BBOX1: variants seen among roughly 807,000 people sequenced by gnomAD.
BBOX1 encodes gamma-butyrobetaine dioxygenase.
A neutral mutation model predicts 41.6 loss-of-function variants in BBOX1; 35 were observed. That is an observed-to-expected ratio of 0.84 (90% CI 0.64 to 1.11). The LOEUF (loss-of-function observed/expected upper bound fraction) is 1.11, where lower values mean the gene tolerates loss of function less well. Among genes scored for constraint, BBOX1 ranks in the 50% most tolerant of loss-of-function variants. The pLI is 0.00. For synonymous variants in BBOX1, 163 were observed against 154.7 expected (o/e 1.05, Z -0.40); for missense variants, 458 against 460.6 (o/e 0.99, Z 0.05).
At chr11:27,092,282 C>G (rs1858273767) in intron 4 of BBOX1, among the ~76,000 whole-genome samples, 1 of 151,932 alleles carries the variant, frequency 6.6e-6, no homozygotes, top group Non-Finnish European at 1.5e-5. Flanking sequence ...AGTTCTCATT[C>G]TGTCACTTTT....
chr11:27,060,663 C>G (rs140484744), intron 4 of BBOX1, among the ~76,000 whole-genome samples: 197 of 152,296 alleles, frequency 1.3e-3, no homozygotes, highest in African/African-American at 4.5e-3. Flanking sequence ...TGTTACTAAT[C>G]AACTTGAACC....
At chr11:27,102,586 T>C (rs1305667397) in intron 5 of BBOX1, among the ~76,000 whole-genome samples, 1 of 152,020 alleles carries the variant, frequency 6.6e-6, no homozygotes, top group Admixed American at 6.5e-5. Flanking sequence ...GCAGTTTGAT[T>C]CTTCTACTTT....
At chr11:27,079,014 C>T (rs184733125) in intron 4 of BBOX1, among the ~76,000 whole-genome samples, 20 of 152,124 alleles carry the variant, frequency 1.3e-4, no homozygotes, top group Non-Finnish European at 2.1e-4. Context: ...CTAGTTAAAG[C>T]GCCATAAACA....
At chr11:27,105,276 C>T (rs111537525) in intron 5 of BBOX1, among the ~76,000 whole-genome samples, 5,135 of 152,030 alleles carry the variant, frequency 0.034, 131 homozygotes, top group South Asian at 0.11. Context: ...TGGCTTCAGA[C>T]GATCAAACTT....
At chr11:27,083,926 A>T (rs1279152427) in intron 4 of BBOX1, among the ~76,000 whole-genome samples, 10 of 152,120 alleles carry the variant, frequency 6.6e-5, no homozygotes, top group African/African-American at 1.9e-4. Flanking sequence ...TAGCAGTTGC[A>T]GGAGATTTCC....
intron 2 of BBOX1, among the ~76,000 whole-genome samples, chr11:27,046,861 T>A (rs1460842184): frequency 1.3e-5 from 2 of 152,030 alleles, no homozygotes; most frequent in African/African-American, 2.4e-5. Context: ...CAAATCATGT[T>A]AACATACAAG....
At chr11:27,053,058 A>G (rs1234269290) in intron 2 of BBOX1, among the ~76,000 whole-genome samples, 1 of 152,208 alleles carries the variant, frequency 6.6e-6, no homozygotes, top group East Asian at 1.9e-4. Context: ...TTCCTAGTCA[A>G]AAAATGTTGT....
At chr11:27,050,474 A>T (rs2133950998) in intron 2 of BBOX1, among the ~76,000 whole-genome samples, 1 of 152,252 alleles carries the variant, frequency 6.6e-6, no homozygotes, top group African/African-American at 2.4e-5. Flanking sequence ...AATCATTCAA[A>T]TCCAAGAACA....
intron 4 of BBOX1, among the ~76,000 whole-genome samples, chr11:27,070,856 A>T (rs1590184128): frequency 6.6e-6 from 1 of 151,760 alleles, no homozygotes; most frequent in South Asian, 2.1e-4. Context: ...TCATTGTATT[A>T]CTGTTTTATA....
intron 7 of BBOX1, among the ~76,000 whole-genome samples, chr11:27,120,866 C>A (rs1220154815): frequency 1.3e-5 from 2 of 152,006 alleles, no homozygotes; most frequent in Non-Finnish European, 2.9e-5. Context: ...TTGAGGCCAG[C>A]CACTTTTCTT....
chr11:27,118,949 A>G (rs1859363227), intron 6 of BBOX1, among the ~76,000 whole-genome samples: 1 of 151,404 alleles, frequency 6.6e-6, no homozygotes, highest in Non-Finnish European at 1.5e-5. Context: ...ACATAATCCT[A>G]TGTAACACCA....
At chr11:27,072,099 G>T (rs983948377) in intron 4 of BBOX1, among the ~76,000 whole-genome samples, 1 of 152,060 alleles carries the variant, frequency 6.6e-6, no homozygotes, top group Non-Finnish European at 1.5e-5. Context: ...AGAAATAAAG[G>T]GTATTCAATT....
intron 5 of BBOX1, among the ~76,000 whole-genome samples, chr11:27,102,973 G>C (rs571762305): frequency 6.6e-5 from 10 of 152,094 alleles, no homozygotes; most frequent in African/African-American, 2.4e-4. Flanking sequence ...GGTGGATCAC[G>C]AGGTCAGGAG....
intron 6 of BBOX1, among the ~76,000 whole-genome samples, chr11:27,117,229 G>A (rs1041751568): frequency 5.9e-5 from 9 of 152,066 alleles, no homozygotes; most frequent in African/African-American, 1.9e-4. Flanking sequence ...TAACAAAGGA[G>A]AATGGGCCAA....
intron 4 of BBOX1, among the ~76,000 whole-genome samples, chr11:27,060,675 A>G (rs1160277977): frequency 6.6e-6 from 1 of 152,216 alleles, no homozygotes; most frequent in Non-Finnish European, 1.5e-5. Flanking sequence ...ACTTGAACCA[A>G]ATAGGTTCAC....
chr11:27,043,459 C>CAGAATGTGCAGGTTTGGGGTGCAT (rs1564948369), intron 2 of BBOX1, among the ~76,000 whole-genome samples: 1 of 151,306 alleles, frequency 6.6e-6, no homozygotes, highest in Non-Finnish European at 1.5e-5. Context: ...TTGGGGTACA[C>CAGAATGTGCAGGTTTGGGGTGCAT]GTGCAGAATG....
intron 2 of BBOX1, among the ~76,000 whole-genome samples, chr11:27,054,848 C>A (rs1041399029): frequency 2.0e-5 from 3 of 152,116 alleles, no homozygotes; most frequent in Admixed American, 2.0e-4. Flanking sequence ...GCGCAATATT[C>A]TGAATTGAAG....
Position 27,127,631 on chromosome 11 carries a change from T to A in BBOX1, c.*178T>A. ...TCATATACAATGTCAACTTTTTAGA[T>A]GTTTCACCACTCTTTTGCAAATAAA... On this transcript the variant is annotated 3_prime_UTR_variant, in exon 9 of 9. Coordinates refer to ENST00000263182, the MANE Select transcript of BBOX1 (RefSeq NM_003986.3). 1.4e-6 allele frequency: 1 copy of A among 691,292 alleles called. No individual in the cohort carries two copies. The highest frequency in any genetic ancestry group is 2.4e-5 in the South Asian group (1 of 41,434). The allele number at this position is 691,292 out of a possible 1,614,324, so 42.8% of individuals were successfully genotyped here.
At chr11:27,099,894 T>C (rs1003767381) in intron 5 of BBOX1, among the ~76,000 whole-genome samples, 2 of 152,178 alleles carry the variant, frequency 1.3e-5, no homozygotes, top group Admixed American at 6.6e-5. Context: ...CATGAGTTCC[T>C]TGCAGGCAGG....
Sources: allele counts gnomAD v4.1 joint callset (sites outside exome capture counted in the v4.1 genomes callset), GRCh38; gene constraint gnomAD v4.1.1; transcripts MANE v1.5; gene names NCBI Gene and HGNC (gene_info 2026-07-23, HGNC 2026-07-21).